Variants in C1orf141 observed in about 807,000 individuals in gnomAD.
The protein encoded by C1orf141 is chromosome 1 open reading frame 141, also known as uncharacterized protein C1orf141.
In C1orf141, 19 loss-of-function variants were observed where a neutral mutation model predicts 23.2. The ratio of observed to expected loss-of-function variants is 0.82; its 90% confidence interval spans 0.57 to 1.20. The LOEUF (loss-of-function observed/expected upper bound fraction) is 1.20, where lower values mean the gene tolerates loss of function less well. C1orf141 is among the 50% of genes most tolerant of loss of function. The pLI, the probability that C1orf141 is intolerant of heterozygous loss-of-function variation, is 0.00. For missense variants in C1orf141, 469 were observed against 455.1 expected, an observed-to-expected ratio of 1.03 and a Z score of -0.28; for synonymous variants, 153 against 154.6, an observed-to-expected ratio of 0.99 and a Z score of 0.08.
rs11336462 is a variant in C1orf141 at position 67,125,928 on chromosome 1, GAAAAA to G, written c.76-24_76-20del. On this transcript the variant is annotated intron_variant, in intron 3 of 7. Coordinates refer to ENST00000684719, the MANE Select transcript of C1orf141 (RefSeq NM_001276351.2). ...TGTTTATCTGCAGCAATGCCAAAGT[GAAAAA>G]AAAAAAAAAAAAAAGAGTACTTTTT... 1.5e-3 allele frequency: 1,729 copies of G among 1,177,960 alleles called. No individual in the cohort carries two copies. The highest frequency in any genetic ancestry group is 3.5e-3 in the East Asian group (109 of 30,762). 73.0% of individuals were successfully genotyped at this position (1,177,960 alleles called of 1,614,324 possible). A position where few individuals can be genotyped will look rare whatever the true frequency, so the allele number is the denominator to read the frequency against.
intron 5 of C1orf141, among the ~76,000 whole-genome samples, chr1:67,109,678 T>A (rs1646023095): frequency 6.6e-6 from 1 of 152,232 alleles, no homozygotes; most frequent in African/African-American, 2.4e-5. Context: ...AAGTTGCTTA[T>A]CTTCCTTGTG....
chr1:67,115,265 C>T, intron 5 of C1orf141, 87 bp downstream of exon 5: 2 of 613,322 alleles, frequency 3.3e-6, no homozygotes, highest in East Asian at 3.2e-5. Context: ...TTATCAAGAA[C>T]CTTTAAGACA....
At chr1:67,101,404 A>T (rs1297879002) in intron 5 of C1orf141, among the ~76,000 whole-genome samples, 1 of 150,206 alleles carries the variant, frequency 6.7e-6, no homozygotes, top group African/African-American at 2.4e-5. Flanking sequence ...TCTTTCTCTG[A>T]CCTATCATTG....
At chr1:67,113,186 G>T (rs1006667939) in intron 5 of C1orf141, among the ~76,000 whole-genome samples, 1 of 151,818 alleles carries the variant, frequency 6.6e-6, no homozygotes, top group African/African-American at 2.4e-5. Flanking sequence ...CACCATGTTG[G>T]CCAGGCTGGT....
intron 2 of C1orf141, among the ~76,000 whole-genome samples, chr1:67,128,120 G>A (rs1205427656): frequency 6.6e-6 from 1 of 152,022 alleles, no homozygotes; most frequent in African/African-American, 2.4e-5. Context: ...AGCTGGTTAG[G>A]TCCCATTGCC....
chr1:67,095,560 G>C, intron 6 of C1orf141, 139 bp from the exon 7 acceptor site: 2 of 556,488 alleles, frequency 3.6e-6, no homozygotes, highest in Non-Finnish European at 6.2e-6. Flanking sequence ...AAACCGACAA[G>C]ATCATCCCGT....
At chr1:67,108,632 G>A (rs1033561964) in intron 5 of C1orf141, among the ~76,000 whole-genome samples, 1 of 152,098 alleles carries the variant, frequency 6.6e-6, no homozygotes, top group African/African-American at 2.4e-5. Context: ...GGAAGCTGAG[G>A]CAGTAGAATC....
chr1:67,118,894 C>T (rs554919539), intron 4 of C1orf141, among the ~76,000 whole-genome samples: 1 of 152,236 alleles, frequency 6.6e-6, no homozygotes, highest in East Asian at 1.9e-4. Flanking sequence ...ACTTCCTGGC[C>T]TCGAGAATTG....
chr1:67,120,550 C>G (rs1448271600), intron 4 of C1orf141, among the ~76,000 whole-genome samples: 1 of 151,966 alleles, frequency 6.6e-6, no homozygotes, highest in Admixed American at 6.6e-5. Context: ...GGAGGTGCAG[C>G]CTTTAAGAGG....
At chr1:67,137,326 A>T (rs1171219537), upstream of C1orf141, among the ~76,000 whole-genome samples, 1 of 152,204 alleles carries the variant, frequency 6.6e-6, no homozygotes, top group Non-Finnish European at 1.5e-5. Flanking sequence ...TCAGTCCCGA[A>T]ATAACAAATG....
intron 5 of C1orf141, chr1:67,103,462 A>T: frequency 2.5e-6 from 2 of 808,136 alleles, no homozygotes; most frequent in Non-Finnish European, 3.4e-6. Context: ...ATGCTTGAGT[A>T]TTCACATTTG....
At chr1:67,135,733 G>A (rs953457452), upstream of C1orf141, among the ~76,000 whole-genome samples, 1 of 151,688 alleles carries the variant, frequency 6.6e-6, no homozygotes, top group Non-Finnish European at 1.5e-5. Flanking sequence ...TCACAATATT[G>A]GTTACATTTT....
chr1:67,125,079 T>A (rs1646379003), intron 4 of C1orf141, among the ~76,000 whole-genome samples: 1 of 152,214 alleles, frequency 6.6e-6, no homozygotes, highest in Non-Finnish European at 1.5e-5. Flanking sequence ...ATTTAGGCTG[T>A]CCCTTTTAAG....
chr1:67,114,116 C>G (rs978526840), intron 5 of C1orf141, among the ~76,000 whole-genome samples: 6 of 151,952 alleles, frequency 3.9e-5, no homozygotes, highest in Non-Finnish European at 5.9e-5. Flanking sequence ...TCCCTTCCCC[C>G]ACACACAAAA....
chr1:67,110,457 C>G (rs1646043755), intron 5 of C1orf141, among the ~76,000 whole-genome samples: 2 of 151,954 alleles, frequency 1.3e-5, no homozygotes. Context: ...AAATTAAAAT[C>G]AGCAGTAGAA....
chr1:67,126,729 G>A (rs1489743718), intron 3 of C1orf141, among the ~76,000 whole-genome samples: 1 of 152,198 alleles, frequency 6.6e-6, no homozygotes, highest in African/African-American at 2.4e-5. Flanking sequence ...TGAGGTGCAG[G>A]GAGGAGAAAC....
intron 7 of C1orf141, chr1:67,094,296 A>T (rs1407010484): frequency 6.6e-6 from 1 of 152,242 alleles, no homozygotes; most frequent in Non-Finnish European, 1.5e-5. Context: ...TTACCTATTT[A>T]GCCATAGTAA....
intron 1 of C1orf141, among the ~76,000 whole-genome samples, 193 bp downstream of exon 1, chr1:67,134,737 C>A (rs1273717788): frequency 1.3e-5 from 2 of 152,248 alleles, no homozygotes; most frequent in Non-Finnish European, 2.9e-5. Context: ...CCCGGGCTCG[C>A]CTCTCGCCGC....
intron 4 of C1orf141, among the ~76,000 whole-genome samples, chr1:67,118,302 G>T (rs1323647681): frequency 6.6e-6 from 1 of 152,092 alleles, no homozygotes; most frequent in African/African-American, 2.4e-5. Context: ...GGGGAAAAAA[G>T]AAAAATATCA....
Sources: gnomAD v4.1 joint callset for allele counts (sites outside exome capture counted in the v4.1 genomes callset) on GRCh38, gnomAD v4.1.1 for gene constraint, MANE v1.5 for transcripts, NCBI Gene and HGNC (gene_info 2026-07-23, HGNC 2026-07-21) for gene names.